Variants in ACAD11 observed in about 807,000 individuals in gnomAD.
ACAD11 encodes acyl-CoA dehydrogenase family member 11.
In ACAD11, 83 loss-of-function variants were observed where a neutral mutation model predicts 102.2. The observed-to-expected ratio is 0.81, with a 90% confidence interval of 0.68 to 0.97. ACAD11 has a LOEUF of 0.97. ACAD11 is among the 50% of genes least tolerant of loss of function. The probability of loss-of-function intolerance (pLI) is 0.00; values close to 1 mark genes in which losing one functional copy is unlikely to be tolerated. For synonymous variants in ACAD11, 324 were observed against 319.8 expected (o/e 1.01, Z -0.14); for missense variants, 901 against 951.7 (o/e 0.95, Z 0.70).
At chr3:132,655,527 C>G (rs546804827) in intron 1 of ACAD11, among the ~76,000 whole-genome samples, 39 of 152,296 alleles carry the variant, frequency 2.6e-4, no homozygotes, top group Admixed American at 3.9e-4. Flanking sequence ...CATTAGCAGT[C>G]CCCTCTGTCT....
intron 13 of ACAD11, chr3:132,601,007 G>A (rs1159242806): frequency 6.2e-7 from 1 of 1,613,556 alleles, no homozygotes; most frequent in Non-Finnish European, 8.5e-7. Flanking sequence ...TCAAATGCTA[G>A]AGATCTGCAT....
chr3:132,581,878 A>G (rs1413670286), intron 13 of ACAD11, among the ~76,000 whole-genome samples: 1 of 152,042 alleles, frequency 6.6e-6, no homozygotes, highest in Non-Finnish European at 1.5e-5. Context: ...CCTCTAAGAT[A>G]AGTGCTATGT....
intron 19 of ACAD11, among the ~76,000 whole-genome samples, chr3:132,559,474 G>C (rs776425820): frequency 1.3e-5 from 2 of 152,026 alleles, no homozygotes; most frequent in Non-Finnish European, 2.9e-5. Context: ...ATTATGTGTG[G>C]AGATGGACAG....
intron 13 of ACAD11, among the ~76,000 whole-genome samples, chr3:132,592,683 C>A (rs908423622): frequency 3.3e-5 from 5 of 152,100 alleles, no homozygotes; most frequent in Non-Finnish European, 7.4e-5. Context: ...TTCTCAAGGC[C>A]GTTTCTTCTA....
intron 13 of ACAD11, among the ~76,000 whole-genome samples, chr3:132,587,065 T>C (rs1485426547): frequency 1.3e-5 from 2 of 152,034 alleles, no homozygotes; most frequent in African/African-American, 2.4e-5. Context: ...GCCATTGCAC[T>C]CCAGCCTGGG....
intron 17 of ACAD11, among the ~76,000 whole-genome samples, chr3:132,572,943 G>A (rs146093961): frequency 1.1e-3 from 172 of 152,020 alleles, no homozygotes; most frequent in Admixed American, 2.6e-3. Flanking sequence ...TTTAAGTTCC[G>A]GGATACAAGT....
intron 1 of ACAD11, among the ~76,000 whole-genome samples, chr3:132,652,220 C>G (rs1342681084): frequency 6.6e-6 from 1 of 152,072 alleles, no homozygotes; most frequent in Admixed American, 6.5e-5. Flanking sequence ...CTCATGAGAT[C>G]TGATGGTTTT....
intron 11 of ACAD11, among the ~76,000 whole-genome samples, chr3:132,610,469 C>A (rs572725687): frequency 6.6e-6 from 1 of 152,128 alleles, no homozygotes; most frequent in African/African-American, 2.4e-5. Context: ...AATTGATAGA[C>A]CGCTAGCAAG....
At chr3:132,633,997 G>A (rs1269020816) in intron 5 of ACAD11, among the ~76,000 whole-genome samples, 906 of 109,694 alleles carry the variant, frequency 8.3e-3, no homozygotes, top group South Asian at 0.011. Flanking sequence ...ATAGGCATGG[G>A]CAAGGACTTC....
chr3:132,568,801 CAAAAAAAAAAAAA>C (rs755568917), intron 17 of ACAD11, among the ~76,000 whole-genome samples: 8 of 68,680 alleles, frequency 1.2e-4, no homozygotes, highest in Admixed American at 1.6e-4. Context: ...CATCCACAGG[CAAAAAAAAAAAAA>C]AAAAAAAAAA....
chr3:132,603,489 T>A (rs1054829304), intron 12 of ACAD11, among the ~76,000 whole-genome samples, 162 bp from the exon 13 acceptor site: 2 of 152,228 alleles, frequency 1.3e-5, no homozygotes, highest in Non-Finnish European at 2.9e-5. Flanking sequence ...CAGTATTCAA[T>A]AAACGTGCAC....
At chr3:132,559,991 A>C (rs1937005580) in intron 18 of ACAD11, 49 bp from the exon 19 acceptor site, 1 of 1,421,930 alleles carries the variant, frequency 7.0e-7, no homozygotes, top group African/African-American at 1.4e-5. Context: ...GACTATACAC[A>C]ATGTGGCAAA....
intron 14 of ACAD11, 179 bp from the exon 15 acceptor site, chr3:132,579,060 G>C: frequency 2.0e-6 from 3 of 1,501,172 alleles, no homozygotes; most frequent in Non-Finnish European, 2.7e-6. Flanking sequence ...CTGTGATCTG[G>C]AACAGAAACA....
chr3:132,642,782 G>C lies in ACAD11; in HGVS notation c.270C>G (p.Val90=). The C allele has an allele frequency of 6.2e-7, 1 of 1,612,250 alleles. No individual in the cohort carries two copies. The highest frequency in any genetic ancestry group is 8.5e-7 in the Non-Finnish European group (1 of 1,179,304). ...ATCCAATTGAAAACAAGGCTTTCTGGACTTTAAATTCTCTATCAATCTAAA... is the reference window on the plus strand; with the variant it reads ...ATCCAATTGAAAACAAGGCTTTCTGCACTTTAAATTCTCTATCAATCTAAA... The part of the protein sequence containing the change: ...KAHQIDREFK[V]QKALFSIGFP... Residue 90 remains valine, a synonymous_variant, in exon 3 of 20, where the codon GTC becomes GTG. Coordinates refer to ENST00000264990, the MANE Select transcript of ACAD11 (RefSeq NM_032169.5).
At chr3:132,563,793 G>C (rs1343904516) in intron 17 of ACAD11, among the ~76,000 whole-genome samples, 1 of 151,962 alleles carries the variant, frequency 6.6e-6, no homozygotes. Context: ...TTACTGCACT[G>C]CCTAGGAATT....
At chr3:132,618,802 C>T in intron 10 of ACAD11, 30 bp from the exon 11 acceptor site, 2 of 1,501,226 alleles carry the variant, frequency 1.3e-6, no homozygotes, top group Non-Finnish European at 1.8e-6. Flanking sequence ...GCCAGAGTGA[C>T]CATAATTTAC....
At chr3:132,583,124 G>A (rs1247943201) in intron 13 of ACAD11, among the ~76,000 whole-genome samples, 8 of 152,088 alleles carry the variant, frequency 5.3e-5, no homozygotes, top group Non-Finnish European at 7.4e-5. Context: ...CAGGAGGAAT[G>A]GTACCAGCTC....
At chr3:132,649,444 G>A (rs1940850004) in intron 1 of ACAD11, among the ~76,000 whole-genome samples, 1 of 152,216 alleles carries the variant, frequency 6.6e-6, no homozygotes, top group Non-Finnish European at 1.5e-5. Context: ...ATGTTTGGGT[G>A]GAGAAAAGCA....
chr3:132,620,798 C>T (rs1020755016), intron 9 of ACAD11, among the ~76,000 whole-genome samples: 1 of 152,188 alleles, frequency 6.6e-6, no homozygotes, highest in Non-Finnish European at 1.5e-5. Flanking sequence ...TCCTGGGGAA[C>T]TTGATAAAAA....
Sources: allele counts gnomAD v4.1 joint callset (sites outside exome capture counted in the v4.1 genomes callset), GRCh38; gene constraint gnomAD v4.1.1; transcripts MANE v1.5; gene names NCBI Gene and HGNC (gene_info 2026-07-23, HGNC 2026-07-21).